OPCML: variants seen among roughly 807,000 people sequenced by gnomAD.
OPCML encodes opioid-binding protein/cell adhesion molecule.
OPCML carries 13 observed loss-of-function variants against 37.8 expected under a neutral mutation model. That is an observed-to-expected ratio of 0.34 (90% CI 0.22 to 0.55). The LOEUF (loss-of-function observed/expected upper bound fraction) is 0.55. Ranked by LOEUF, OPCML falls within the 20% of genes least tolerant of loss-of-function variation. The probability of loss-of-function intolerance (pLI) is 0.91; values close to 1 mark genes in which losing one functional copy is unlikely to be tolerated. For synonymous variants in OPCML, 176 were observed against 168.8 expected, an observed-to-expected ratio of 1.04 and a Z score of -0.33; for missense variants, 341 against 435.6, an observed-to-expected ratio of 0.78 and a Z score of 1.93.
rs1405836010 is a variant in OPCML, at chr11:132,881,443, G to A, written c.146+61483C>T. 3.3e-5 allele frequency among the ~76,000 whole-genome samples: 5 copies of A among 152,278 alleles called. No individual in the cohort carries two copies. The East Asian group carries it at 9.7e-4, about 29-fold the overall frequency. ...TGAAGGACCCTCAGGAGGAGCTGAG[G>A]AGCTGTGAGGCTGGCAGGAGGCCTG... is the stretch of plus-strand genomic sequence containing the variant. On this transcript the variant is annotated intron_variant, in intron 2 of 7. Coordinates refer to ENST00000524381, the MANE Select transcript of OPCML (RefSeq NM_001012393.5).
At chr11:132,916,812 C>T (rs538986901) in intron 2 of OPCML, among the ~76,000 whole-genome samples, 8 of 152,272 alleles carry the variant, frequency 5.3e-5, no homozygotes, top group Non-Finnish European at 8.8e-5. Context: ...CCTCCCTTCA[C>T]AGAGGGGCTG....
chr11:133,099,148 A>G (rs935526169), intron 1 of OPCML, among the ~76,000 whole-genome samples: 2 of 152,234 alleles, frequency 1.3e-5, no homozygotes, highest in African/African-American at 4.8e-5. Context: ...ACCAAATTCC[A>G]TATGAAGAAA....
intron 1 of OPCML, among the ~76,000 whole-genome samples, chr11:133,328,383 C>G (rs1207442796): frequency 6.6e-6 from 1 of 152,126 alleles, no homozygotes. Context: ...GTCTCGAACT[C>G]CTGACCTCAG....
At chr11:132,504,276 T>G (rs12294908) in intron 4 of OPCML, among the ~76,000 whole-genome samples, 28,666 of 152,106 alleles carry the variant, frequency 0.19, 2,809 homozygotes, top group Non-Finnish European at 0.2. Flanking sequence ...CATAGCTATC[T>G]TTACCCTTAT....
intron 2 of OPCML, among the ~76,000 whole-genome samples, chr11:132,695,102 G>A (rs908516149): frequency 4.6e-5 from 7 of 152,188 alleles, no homozygotes; most frequent in Non-Finnish European, 7.4e-5. Flanking sequence ...CAATGCTTCC[G>A]TGCCCTTGAG....
intron 1 of OPCML, among the ~76,000 whole-genome samples, chr11:133,364,085 C>A (rs538253901): frequency 6.6e-6 from 1 of 152,182 alleles, no homozygotes; most frequent in Non-Finnish European, 1.5e-5. Context: ...CCAGCTCCAA[C>A]GTCCCCTTTT....
chr11:132,447,287 G>T (rs2096057893), intron 4 of OPCML, among the ~76,000 whole-genome samples: 1 of 152,070 alleles, frequency 6.6e-6, no homozygotes, highest in South Asian at 2.1e-4. Context: ...GTTGACACCT[G>T]TCTTCCCAAT....
chr11:133,486,363 A>G (rs1336077787), intron 1 of OPCML, among the ~76,000 whole-genome samples: 1 of 152,210 alleles, frequency 6.6e-6, no homozygotes. Context: ...TTACTTTTGC[A>G]TTGCCAGTTC....
chr11:133,044,138 T>C (rs1947959961), intron 1 of OPCML, among the ~76,000 whole-genome samples: 1 of 152,090 alleles, frequency 6.6e-6, no homozygotes, highest in South Asian at 2.1e-4. Flanking sequence ...GAAAGATCAG[T>C]AGGAGTAAGC....
chr11:133,532,428 T>C lies in OPCML; in HGVS notation c.-104A>G. 2.1e-6 allele frequency: 3 copies of C among 1,407,912 alleles called. No homozygotes were observed. In the Admixed American group the frequency reaches 5.9e-5, roughly 27 times the overall value. 87.2% of individuals were successfully genotyped at this position (1,407,912 alleles called of 1,614,324 possible). ...GAATTCTGAGCAGGTTTAAATCCAA[T>C]GTTTGCAAAGGGAGGGAGAGAGCAG... On this transcript the variant is annotated 5_prime_UTR_variant, in exon 1 of 8. Transcript: ENST00000524381.
At chr11:133,012,022 T>C (rs1196403097) in intron 1 of OPCML, among the ~76,000 whole-genome samples, 2 of 152,366 alleles carry the variant, frequency 1.3e-5, no homozygotes, top group East Asian at 3.9e-4. Flanking sequence ...GTTTGGATCA[T>C]GAGCTATAGT....
At chr11:132,935,676 T>C (rs774929276) in intron 2 of OPCML, among the ~76,000 whole-genome samples, 9 of 152,218 alleles carry the variant, frequency 5.9e-5, no homozygotes, top group Non-Finnish European at 1.3e-4. Context: ...GCGAGTCACA[T>C]GGTTTTCTCT....
intron 2 of OPCML, among the ~76,000 whole-genome samples, chr11:132,766,194 G>GA (rs1212719253): frequency 1.3e-5 from 2 of 152,060 alleles, no homozygotes; most frequent in East Asian, 1.9e-4. Flanking sequence ...TGGCATCAGG[G>GA]AAAAAAAGCC....
At chr11:132,554,876 T>G (rs1477273570) in intron 3 of OPCML, among the ~76,000 whole-genome samples, 1 of 136,254 alleles carries the variant, frequency 7.3e-6, no homozygotes, top group African/African-American at 2.7e-5. Context: ...TTTTTTTTTT[T>G]TTTTTTTTTT....
intron 1 of OPCML, among the ~76,000 whole-genome samples, chr11:133,047,108 G>C (rs527391549): frequency 6.6e-6 from 1 of 152,312 alleles, no homozygotes; most frequent in East Asian, 1.9e-4. Flanking sequence ...CCATCACACA[G>C]ACCTCATGGA....
chr11:133,415,328 T>A (rs927368052), intron 1 of OPCML, among the ~76,000 whole-genome samples: 1 of 151,588 alleles, frequency 6.6e-6, no homozygotes, highest in Non-Finnish European at 1.5e-5. Flanking sequence ...GAGAATGGCA[T>A]GAACCCAGGA....
chr11:133,411,087 A>G (rs1945642006), intron 1 of OPCML, among the ~76,000 whole-genome samples: 1 of 152,124 alleles, frequency 6.6e-6, no homozygotes, highest in African/African-American at 2.4e-5. Flanking sequence ...AGGAACAACA[A>G]ATGAAGACCA....
rs144718057 is a variant in OPCML at position 132,766,592 on chromosome 11, A to G, written c.147-109273T>C. ...CTTTTATAAGGGTACTAACCCCATCATCAATTGTCCACCCTCATGACCTGA... is the reference window on the plus strand; with the variant it reads ...CTTTTATAAGGGTACTAACCCCATCGTCAATTGTCCACCCTCATGACCTGA... On this transcript the variant is annotated intron_variant, in intron 2 of 7. Transcript: ENST00000524381. 1.0e-3 allele frequency among the ~76,000 whole-genome samples: 156 copies of G among 152,258 alleles called. 1 individual carries two copies. Among genetic ancestry groups the G allele is most frequent in the African/African-American group, 3.7e-3 (154 of 41,546 alleles).
At chr11:132,942,628 C>T (rs1945618792) in intron 2 of OPCML, among the ~76,000 whole-genome samples, 1 of 152,172 alleles carries the variant, frequency 6.6e-6, no homozygotes, top group Non-Finnish European at 1.5e-5. Flanking sequence ...CTCATGTTCT[C>T]ATCACGGTGC....
Sources: gnomAD v4.1 joint callset for allele counts (sites outside exome capture counted in the v4.1 genomes callset) on GRCh38, gnomAD v4.1.1 for gene constraint, MANE v1.5 for transcripts, NCBI Gene and HGNC (gene_info 2026-07-23, HGNC 2026-07-21) for gene names.